IFTAP: variants seen among roughly 807,000 people sequenced by gnomAD.
IFTAP encodes intraflagellar transport-associated protein.
A neutral mutation model predicts 19.4 loss-of-function variants in IFTAP; 19 were observed. That is an observed-to-expected ratio of 0.98 (90% CI 0.68 to 1.44). IFTAP has a LOEUF of 1.44. IFTAP is among the 40% of genes most tolerant of loss of function. IFTAP has a pLI of 0.00. For missense variants in IFTAP, 240 were observed against 253.6 expected, an observed-to-expected ratio of 0.95 and a Z score of 0.36; for synonymous variants, 85 against 83.5, an observed-to-expected ratio of 1.02 and a Z score of -0.10.
intron 4 of IFTAP, among the ~76,000 whole-genome samples, chr11:36,644,644 A>G (rs1179775534): frequency 2.0e-5 from 3 of 152,112 alleles, no homozygotes; most frequent in Non-Finnish European, 4.4e-5. Context: ...TGTGGCACAT[A>G]TACACCATGG....
chr11:36,614,268 A>G (rs1851986254), intron 2 of IFTAP, among the ~76,000 whole-genome samples: 3 of 145,942 alleles, frequency 2.1e-5, no homozygotes, highest in Admixed American at 1.4e-4. Context: ...TTATGGCTGC[A>G]TAGTATTCCA....
At chr11:36,657,328 C>T (rs892924063) in intron 5 of IFTAP, among the ~76,000 whole-genome samples, 2 of 152,138 alleles carry the variant, frequency 1.3e-5, no homozygotes, top group Non-Finnish European at 2.9e-5. Flanking sequence ...GCCATCTAAG[C>T]AAGATTGTCC....
At chr11:36,642,800 T>A (rs1320121478) in intron 4 of IFTAP, among the ~76,000 whole-genome samples, 1 of 152,134 alleles carries the variant, frequency 6.6e-6, no homozygotes, top group African/African-American at 2.4e-5. Context: ...TTTGACAAAA[T>A]TCAACAGCCC....
At chr11:36,648,189 T>C in intron 5 of IFTAP, 34 bp downstream of exon 5, 1 of 1,592,224 alleles carries the variant, frequency 6.3e-7, no homozygotes. Flanking sequence ...TTCTCCACAC[T>C]GCCTTGATTT....
intron 1 of IFTAP, among the ~76,000 whole-genome samples, chr11:36,601,250 G>T (rs1851498647): frequency 1.3e-5 from 2 of 152,180 alleles, no homozygotes; most frequent in African/African-American, 4.8e-5. Flanking sequence ...AAGATAAATT[G>T]TGTTGGAAAG....
chr11:36,629,770 T>C (rs566461496), intron 2 of IFTAP, among the ~76,000 whole-genome samples: 1 of 151,168 alleles, frequency 6.6e-6, no homozygotes, highest in South Asian at 2.1e-4. Flanking sequence ...GTAAGGGAGA[T>C]CTGTTGGAAG....
intron 2 of IFTAP, among the ~76,000 whole-genome samples, chr11:36,624,845 A>G (rs1292721547): frequency 6.6e-6 from 1 of 152,180 alleles, no homozygotes; most frequent in Non-Finnish European, 1.5e-5. Flanking sequence ...GAGCAAGGTC[A>G]TATTATCCTT....
chr11:36,611,089 A>G (rs1166038630), intron 2 of IFTAP, among the ~76,000 whole-genome samples: 1 of 151,972 alleles, frequency 6.6e-6, no homozygotes, highest in Non-Finnish European at 1.5e-5. Flanking sequence ...TTGCCCAGTG[A>G]GCTCCTTAGT....
intron 2 of IFTAP, among the ~76,000 whole-genome samples, chr11:36,620,697 A>G (rs1290226919): frequency 6.6e-6 from 1 of 152,006 alleles, no homozygotes; most frequent in Non-Finnish European, 1.5e-5. Flanking sequence ...TGACATTTTG[A>G]ATTATAATCA....
chr11:36,654,669 C>T (rs188008157), intron 5 of IFTAP, among the ~76,000 whole-genome samples: 12 of 152,184 alleles, frequency 7.9e-5, no homozygotes, highest in Admixed American at 6.5e-4. Flanking sequence ...TTTGTATATT[C>T]AATTCATCTA....
At chr11:36,650,556 T>TTC (rs397795184) in intron 5 of IFTAP, among the ~76,000 whole-genome samples, 1 of 148,460 alleles carries the variant, frequency 6.7e-6, no homozygotes, top group Non-Finnish European at 1.5e-5. Flanking sequence ...TTTTTTTTTT[T>TTC]CCAAAAAAAA....
chr11:36,640,834 G>C (rs1853168024), intron 4 of IFTAP, among the ~76,000 whole-genome samples: 1 of 152,058 alleles, frequency 6.6e-6, no homozygotes, highest in Non-Finnish European at 1.5e-5. Context: ...ATAACACAGT[G>C]AACCAATATT....
rs1320781627 is a variant in IFTAP at position 36,596,046 on chromosome 11, AG to A, written c.-24+1455del. Among the ~76,000 whole-genome samples, 3 of 152,198 alleles carry A rather than the reference AG, an allele frequency of 2.0e-5. No homozygotes were observed. The East Asian group carries it at 5.8e-4, about 29-fold the overall frequency. The stretch of plus-strand genomic sequence containing the variant: ...GGTATATATTCACTGGGCTGTTTTG[AG>A]AAATAAATGGGATAGCACGTGTAAA... On this transcript the variant is annotated intron_variant, in intron 1 of 5. Transcript: ENST00000334307.
chr11:36,601,469 G>A (rs1307541281), intron 1 of IFTAP, among the ~76,000 whole-genome samples: 1 of 152,098 alleles, frequency 6.6e-6, no homozygotes, highest in Non-Finnish European at 1.5e-5. Context: ...GACTGGTATC[G>A]TCCTAAAAAA....
At chr11:36,603,212 A>G (rs1340950708) in intron 1 of IFTAP, among the ~76,000 whole-genome samples, 2 of 152,192 alleles carry the variant, frequency 1.3e-5, no homozygotes, top group South Asian at 2.1e-4. Context: ...AAGAAACCTC[A>G]TTAAAGTAGC....
chr11:36,646,191 A>G (rs1291454730), intron 4 of IFTAP, among the ~76,000 whole-genome samples: 1 of 152,180 alleles, frequency 6.6e-6, no homozygotes, highest in East Asian at 1.9e-4. Flanking sequence ...TCACTGCACA[A>G]TACTGTCAGC....
At chr11:36,614,608 A>G (rs894404708) in intron 2 of IFTAP, among the ~76,000 whole-genome samples, 4 of 148,418 alleles carry the variant, frequency 2.7e-5, no homozygotes, top group African/African-American at 7.6e-5. Context: ...AATGATTGCC[A>G]TTCTAACTGG....
intron 1 of IFTAP, among the ~76,000 whole-genome samples, chr11:36,599,232 G>A (rs368365202): frequency 7.9e-5 from 12 of 152,346 alleles, no homozygotes; most frequent in African/African-American, 2.9e-4. Flanking sequence ...GACCTTGGGT[G>A]ACCCACCTGC....
chr11:36,605,924 A>G (rs1013720961), intron 1 of IFTAP, among the ~76,000 whole-genome samples: 1 of 152,218 alleles, frequency 6.6e-6, no homozygotes, highest in Admixed American at 6.5e-5. Flanking sequence ...ACTTCGTGAT[A>G]AAAACACAAA....
Sources: allele counts gnomAD v4.1 joint callset (sites outside exome capture counted in the v4.1 genomes callset), GRCh38; gene constraint gnomAD v4.1.1; transcripts MANE v1.5; gene names NCBI Gene and HGNC (gene_info 2026-07-23, HGNC 2026-07-21).